ANKRD36B: variants seen among roughly 807,000 people sequenced by gnomAD.
The protein encoded by ANKRD36B is ankyrin repeat domain-containing protein 36B.
Under a neutral mutation model 135.7 loss-of-function variants are expected in ANKRD36B, and 37 were observed. The ratio of observed to expected loss-of-function variants is 0.27; its 90% CI spans 0.21 to 0.36. The LOEUF is 0.36. ANKRD36B is among the 10% of genes least tolerant of loss of function. The probability of loss-of-function intolerance (pLI) is 1.00; values close to 1 mark genes in which losing one functional copy is unlikely to be tolerated. For synonymous variants in ANKRD36B, 179 were observed against 348.1 expected (o/e 0.51, Z 5.41); for missense variants, 549 against 1,037.1 (o/e 0.53, Z 6.46).
intron 12 of ANKRD36B, among the ~76,000 whole-genome samples, 158 bp downstream of exon 12, chr2:97,556,779 A>T (rs567379823): frequency 6.6e-6 from 1 of 152,062 alleles, no homozygotes; most frequent in South Asian, 2.1e-4. Flanking sequence ...AAGGACCAGC[A>T]GCATCAGCAC....
At chr2:97,559,045 T>C in intron 8 of ANKRD36B, 51 bp from the exon 9 acceptor site, 1 of 1,601,142 alleles carries the variant, frequency 6.2e-7, no homozygotes, top group Non-Finnish European at 8.5e-7. Flanking sequence ...ATGATAAATT[T>C]ATCCATACAT....
At chr2:97,553,922 G>T (rs191554484) in intron 14 of ANKRD36B, among the ~76,000 whole-genome samples, 45 of 151,946 alleles carry the variant, frequency 3.0e-4, no homozygotes, top group African/African-American at 9.9e-4. Flanking sequence ...TATGTTTCCT[G>T]AATCCGAGTA....
At chr2:97,548,483 T>G (rs2079710653) in intron 20 of ANKRD36B, among the ~76,000 whole-genome samples, 1 of 151,940 alleles carries the variant, frequency 6.6e-6, no homozygotes, top group African/African-American at 2.4e-5. Context: ...AAGCATTAGA[T>G]ACTGATCAGT....
At chr2:97,578,511 A>G (rs2082367875) in intron 5 of ANKRD36B, among the ~76,000 whole-genome samples, 1 of 152,074 alleles carries the variant, frequency 6.6e-6, no homozygotes. Context: ...AGGCTATAGT[A>G]GATGGTCCCC....
chr2:97,587,043 C>A (rs549869226), intron 1 of ANKRD36B, among the ~76,000 whole-genome samples: 1 of 152,018 alleles, frequency 6.6e-6, no homozygotes, highest in Non-Finnish European at 1.5e-5. Flanking sequence ...GGCATGGTGG[C>A]GCACACCTGT....
chr2:97,568,700 G>A (rs2081618931), intron 6 of ANKRD36B, among the ~76,000 whole-genome samples: 1 of 152,052 alleles, frequency 6.6e-6, no homozygotes, highest in African/African-American at 2.4e-5. Flanking sequence ...TTGCCAGGGA[G>A]TACTTTCTAA....
At chr2:97,567,749 G>A (rs148446164) in intron 6 of ANKRD36B, among the ~76,000 whole-genome samples, 1,843 of 152,126 alleles carry the variant, frequency 0.012, 41 homozygotes, top group African/African-American at 0.042. Flanking sequence ...GATGTGAATC[G>A]TCCCTTTGTC....
intron 20 of ANKRD36B, among the ~76,000 whole-genome samples, chr2:97,548,113 A>G (rs13420962): frequency 0.059 from 8,926 of 151,608 alleles, 580 homozygotes; most frequent in African/African-American, 0.16. Flanking sequence ...TTCATGCAAC[A>G]AATCAAAAGG....
intron 6 of ANKRD36B, among the ~76,000 whole-genome samples, chr2:97,564,918 T>C (rs982588437): frequency 1.3e-5 from 2 of 152,184 alleles, no homozygotes; most frequent in African/African-American, 4.8e-5. Flanking sequence ...AGAAAGTCAA[T>C]GGTAGCTTGA....
At position 97,553,245 on chromosome 2, in the gene ANKRD36B, A is replaced by G. The variant is rs1559172654; in HGVS notation, c.1201-5T>C. On this transcript the variant is annotated splice_polypyrimidine_tract_variant and splice_region_variant and intron_variant, in intron 15 of 43. Transcript: ENST00000359901. ...ACCTTCCTCGTCAGTTGTAGCCTGA[A>G]TGGAATTTGAAAGAAAATAATAAAT... 1 of 1,607,570 alleles carries G rather than the reference A, an allele frequency of 6.2e-7. No individual in the cohort carries two copies.
chr2:97,547,884 C>T (rs2079631309), intron 20 of ANKRD36B, among the ~76,000 whole-genome samples, 153 bp from the exon 21 acceptor site: 1 of 151,734 alleles, frequency 6.6e-6, no homozygotes, highest in African/African-American at 2.4e-5. Flanking sequence ...TAGAACATGA[C>T]AGAAATACGC....
chr2:97,587,053 T>C (rs1433030261), intron 1 of ANKRD36B, among the ~76,000 whole-genome samples: 2 of 152,082 alleles, frequency 1.3e-5, no homozygotes, highest in Non-Finnish European at 2.9e-5. Flanking sequence ...CGCACACCTG[T>C]AATCCCAGCT....
At chr2:97,549,688 A>G in intron 18 of ANKRD36B, 74 bp from the exon 19 acceptor site, 2 of 1,597,770 alleles carry the variant, frequency 1.3e-6, no homozygotes, top group Admixed American at 3.4e-5. Flanking sequence ...ATGCAGTGTT[A>G]GCATCAAACT....
In ANKRD36B at chr2:97,536,975, C is replaced by T. The variant is rs1485132249; in HGVS notation, c.2090-479G>A. 1.0e-4 allele frequency among the ~76,000 whole-genome samples: 10 copies of T among 96,650 alleles called. 3 individuals carry two copies. Among genetic ancestry groups the T allele is most frequent in the African/African-American group, 2.5e-4 (8 of 32,204 alleles). 63.4% of individuals were successfully genotyped at this position (96,650 alleles called of 152,430 possible). ...CAATTACAATGACACTTCAGTTGAA[C>T]GTACACTTCACGTATCTTCAGTGTA... On this transcript the variant is annotated intron_variant, in intron 32 of 43. Coordinates refer to ENST00000359901, the MANE Select transcript of ANKRD36B (RefSeq NM_001393939.1).
intron 6 of ANKRD36B, among the ~76,000 whole-genome samples, chr2:97,568,852 T>C (rs1310628500): frequency 1.3e-5 from 2 of 152,128 alleles, no homozygotes; most frequent in Non-Finnish European, 2.9e-5. Flanking sequence ...AGTATGACTC[T>C]CTTGGCATTT....
Position 97,527,072 on chromosome 2 carries a change from C to T in ANKRD36B, c.2266-3605G>A, listed in dbSNP as rs183422029. Among the ~76,000 whole-genome samples, 231 of 94,648 alleles carry T rather than the reference C, an allele frequency of 2.4e-3. 63 individuals carry two copies. Among genetic ancestry groups the T allele is most frequent in the African/African-American group, 7.1e-3 (224 of 31,484 alleles). 62.1% of individuals were successfully genotyped at this position (94,648 alleles called of 152,430 possible). A position where few individuals can be genotyped will look rare whatever the true frequency, so the allele number is the denominator to read the frequency against. On this transcript the variant is annotated intron_variant, in intron 35 of 43. Transcript: ENST00000359901. ...CAGACAACGCCACAAAGATACCCCTCGAGAAGAGCAACTCCAAGACACATA... is the reference window on the plus strand; with the variant it reads ...CAGACAACGCCACAAAGATACCCCTTGAGAAGAGCAACTCCAAGACACATA...
At chr2:97,555,158 C>G in intron 13 of ANKRD36B, 26 bp from the exon 14 acceptor site, 1 of 1,611,194 alleles carries the variant, frequency 6.2e-7, no homozygotes. Context: ...AGCAAATTAT[C>G]AATAAAGAAA....
chr2:97,589,716 T>C lies in ANKRD36B; in HGVS notation c.-31A>G. The C allele has an allele frequency of 1.2e-6, 2 of 1,613,708 alleles. No individual in the cohort carries two copies. The highest frequency in any genetic ancestry group is 1.1e-5 in the South Asian group (1 of 91,044). On this transcript the variant is annotated 5_prime_UTR_variant, in exon 1 of 44. Transcript: ENST00000359901. The stretch of plus-strand genomic sequence containing the variant: ...TGGGCCACCTCTCCCGCTCGTCGTC[T>C]TCCTTAATCGTCGGCTGCAAATTGT...
intron 18 of ANKRD36B, 60 bp from the exon 19 acceptor site, chr2:97,549,674 A>G (rs2079855990): frequency 6.2e-7 from 1 of 1,602,474 alleles, no homozygotes; most frequent in Non-Finnish European, 8.5e-7. Flanking sequence ...ATATCCACAC[A>G]TTCATGCAGT....
Sources: gnomAD v4.1 joint callset for allele counts (sites outside exome capture counted in the v4.1 genomes callset) on GRCh38, gnomAD v4.1.1 for gene constraint, MANE v1.5 for transcripts, NCBI Gene and HGNC (gene_info 2026-07-23, HGNC 2026-07-21) for gene names.